Variants in RBFOX3 observed in about 807,000 individuals in gnomAD.
RBFOX3 encodes the protein RNA binding protein fox-1 homolog 3.
A neutral mutation model predicts 48.7 loss-of-function variants in RBFOX3; 17 were observed. The observed-to-expected ratio is 0.35, with a 90% CI of 0.24 to 0.52. The LOEUF (loss-of-function observed/expected upper bound fraction) is 0.52. Among genes scored for constraint, RBFOX3 ranks in the 20% least tolerant of loss-of-function variants. The probability of loss-of-function intolerance (pLI) is 0.94; values close to 1 mark genes in which losing one functional copy is unlikely to be tolerated. For missense variants in RBFOX3, 382 were observed against 497.5 expected, an observed-to-expected ratio of 0.77 and a Z score of 2.21; for synonymous variants, 212 against 209.5, an observed-to-expected ratio of 1.01 and a Z score of -0.10.
At chr17:79,432,628 C>A (rs894033016) in intron 2 of RBFOX3, among the ~76,000 whole-genome samples, 54 of 152,172 alleles carry the variant, frequency 3.5e-4, no homozygotes, top group African/African-American at 1.3e-3. Context: ...CCTTCTCATG[C>A]ACACTGGTAT....
chr17:79,168,165 C>A (rs2048409444), intron 4 of RBFOX3, among the ~76,000 whole-genome samples: 1 of 152,210 alleles, frequency 6.6e-6, no homozygotes, highest in Non-Finnish European at 1.5e-5. Flanking sequence ...TCCCTGAGGG[C>A]CCTGACCCCG....
At chr17:79,094,782 G>A (rs561522477) in intron 13 of RBFOX3, among the ~76,000 whole-genome samples, 7 of 146,710 alleles carry the variant, frequency 4.8e-5, no homozygotes, top group Admixed American at 4.7e-4. Context: ...GGGGTGGGGG[G>A]AGGGGGTGTG....
At chr17:79,282,430 G>A (rs1187776338) in intron 3 of RBFOX3, among the ~76,000 whole-genome samples, 3 of 152,190 alleles carry the variant, frequency 2.0e-5, no homozygotes, top group African/African-American at 4.8e-5. Context: ...AATTTCATTC[G>A]GAATGAAAAA....
rs1044823883 is a variant in RBFOX3 at position 79,089,740 on chromosome 17, G to C, written c.*1143C>G. ...CTTCAGTGCTCCCTGCCTCGCCAGGGGTTCCTCCCTGCCACCTGCTCTGCT... is the reference window on the plus strand; with the variant it reads ...CTTCAGTGCTCCCTGCCTCGCCAGGCGTTCCTCCCTGCCACCTGCTCTGCT... On this transcript the variant is annotated 3_prime_UTR_variant, in exon 15 of 15. Transcript: ENST00000693108. The C allele has an allele frequency of 1.3e-5, 2 of 152,652 alleles. No homozygotes were observed. Among genetic ancestry groups the C allele is most frequent in the African/African-American group, 4.8e-5 (2 of 41,444 alleles). 9.5% of individuals were successfully genotyped at this position (152,652 alleles called of 1,614,324 possible).
At chr17:79,218,223 TG>T (rs1425853127) in intron 4 of RBFOX3, among the ~76,000 whole-genome samples, 1 of 149,656 alleles carries the variant, frequency 6.7e-6, no homozygotes, top group African/African-American at 2.5e-5. Context: ...GGGGTCCTGG[TG>T]GGGTTCGGAC....
At chr17:79,298,778 CA>C (rs2074827658) in intron 3 of RBFOX3, among the ~76,000 whole-genome samples, 1 of 152,126 alleles carries the variant, frequency 6.6e-6, no homozygotes, top group Non-Finnish European at 1.5e-5. Context: ...TTTGAGGTGT[CA>C]GGGGTGGTAG....
intron 3 of RBFOX3, among the ~76,000 whole-genome samples, chr17:79,238,932 C>T (rs2061975697): frequency 1.3e-5 from 2 of 152,162 alleles, no homozygotes; most frequent in East Asian, 1.9e-4. Context: ...AATCTGTTTT[C>T]CTGGTTCTTC....
chr17:79,275,110 C>G (rs1600354588), intron 3 of RBFOX3, among the ~76,000 whole-genome samples: 1 of 148,914 alleles, frequency 6.7e-6, no homozygotes, highest in African/African-American at 2.5e-5. Context: ...CTCTGCCTCT[C>G]TCTCCATGTC....
chr17:79,301,542 T>C (rs2145345453), intron 3 of RBFOX3, among the ~76,000 whole-genome samples: 1 of 152,336 alleles, frequency 6.6e-6, no homozygotes. Context: ...TCTCACAGGC[T>C]CTGCCTTTAT....
intron 1 of RBFOX3, among the ~76,000 whole-genome samples, chr17:79,554,495 A>C (rs2091453236): frequency 6.6e-6 from 1 of 151,866 alleles, no homozygotes; most frequent in South Asian, 2.1e-4. Flanking sequence ...ACTCACAGTC[A>C]CCCCCGACCT....
At chr17:79,356,002 C>T (rs958771712) in intron 2 of RBFOX3, among the ~76,000 whole-genome samples, 1 of 152,220 alleles carries the variant, frequency 6.6e-6, no homozygotes, top group Non-Finnish European at 1.5e-5. Context: ...ATCTGGCTCA[C>T]TCCTAACTCC....
At chr17:79,404,912 C>G (rs779214630) in intron 2 of RBFOX3, among the ~76,000 whole-genome samples, 1 of 152,156 alleles carries the variant, frequency 6.6e-6, no homozygotes, top group Non-Finnish European at 1.5e-5. Context: ...CATGGATGTT[C>G]AAAGAAGTAG....
chr17:79,104,239 G>T (rs556929227), intron 6 of RBFOX3, 113 bp from the exon 7 acceptor site: 1 of 983,764 alleles, frequency 1.0e-6, no homozygotes, highest in Non-Finnish European at 1.6e-6. Flanking sequence ...CTCTGCCCTC[G>T]GCCCCCAGCT....
At chr17:79,307,281 G>T (rs982755762) in intron 3 of RBFOX3, among the ~76,000 whole-genome samples, 2 of 152,222 alleles carry the variant, frequency 1.3e-5, no homozygotes, top group African/African-American at 4.8e-5. Context: ...CGGTCACACG[G>T]TCCTGTTCCA....
chr17:79,245,013 CTCCT>C (rs2062960900), intron 3 of RBFOX3, among the ~76,000 whole-genome samples: 1 of 146,278 alleles, frequency 6.8e-6, no homozygotes, highest in Non-Finnish European at 1.5e-5. Context: ...TTTTCTTTCC[CTCCT>C]TCCTTCTTTC....
intron 2 of RBFOX3, among the ~76,000 whole-genome samples, chr17:79,317,970 T>A (rs1284860669): frequency 1.3e-5 from 2 of 152,206 alleles, no homozygotes. Flanking sequence ...AAGTTAAGCT[T>A]GCCGCTTCAT....
At chr17:79,320,180 G>T (rs1340328148) in intron 2 of RBFOX3, among the ~76,000 whole-genome samples, 1 of 152,206 alleles carries the variant, frequency 6.6e-6, no homozygotes, top group African/African-American at 2.4e-5. Context: ...GAAGGCTGTG[G>T]TGGACTTGCT....
intron 12 of RBFOX3, among the ~76,000 whole-genome samples, chr17:79,096,182 G>A (rs1457310172): frequency 1.3e-5 from 2 of 152,204 alleles, no homozygotes; most frequent in Non-Finnish European, 2.9e-5. Context: ...TGAGACAGAG[G>A]AAGCAGCACA....
Position 79,391,643 on chromosome 17 carries a change from C to T in RBFOX3, c.-174-83819G>A, listed in dbSNP as rs563144249. On this transcript the variant is annotated intron_variant, in intron 2 of 14. Transcript: ENST00000693108. The surrounding 1 kb of genome is among the most constrained non-coding windows in gnomAD (Gnocchi z 5.0). ...GCCCAGTGAGGTACATGTACACGTG[C>T]ACATGTGCATACATGCGTGTGTACT... Among the ~76,000 whole-genome samples, 86 of 152,276 alleles carry T rather than the reference C, an allele frequency of 5.6e-4. No homozygotes were observed. Among genetic ancestry groups the T allele is most frequent in the African/African-American group, 2.0e-3 (83 of 41,544 alleles).
Sources: allele counts gnomAD v4.1 joint callset (sites outside exome capture counted in the v4.1 genomes callset), GRCh38; gene constraint gnomAD v4.1.1; non-coding constraint Gnocchi (gnomAD v3.1); transcripts MANE v1.5; gene names NCBI Gene and HGNC (gene_info 2026-07-23, HGNC 2026-07-21).